MYCBP2: variants seen among roughly 807,000 people sequenced by gnomAD.
MYCBP2 encodes the protein E3 ubiquitin-protein ligase MYCBP2.
A neutral mutation model predicts 525.3 loss-of-function variants in MYCBP2; 120 were observed. The observed-to-expected ratio is 0.23, with a 90% confidence interval of 0.20 to 0.27. The LOEUF (loss-of-function observed/expected upper bound fraction) is 0.27, where lower values mean the gene tolerates loss of function less well. Among genes scored for constraint, MYCBP2 ranks in the 10% least tolerant of loss-of-function variants. The pLI is 1.00. For synonymous variants in MYCBP2, 1,894 were observed against 1,955.8 expected (o/e 0.97, Z 0.83); for missense variants, 4,149 against 5,657.1 (o/e 0.73, Z 8.55).
chr13:77,242,920 T>C (rs1594259202), intron 17 of MYCBP2, 139 bp downstream of exon 17: 1 of 665,492 alleles, frequency 1.5e-6, no homozygotes. Context: ...TTTCCCATTA[T>C]ATGAGTTATC....
At chr13:77,241,759 G>A (rs2068869132) in intron 17 of MYCBP2, among the ~76,000 whole-genome samples, 1 of 152,016 alleles carries the variant, frequency 6.6e-6, no homozygotes, top group Admixed American at 6.5e-5. Context: ...CCAAGTATAT[G>A]TTTTACAATT....
At chr13:77,198,917 A>G (rs1324312784) in intron 26 of MYCBP2, among the ~76,000 whole-genome samples, 2 of 152,250 alleles carry the variant, frequency 1.3e-5, no homozygotes, top group Admixed American at 1.3e-4. Flanking sequence ...AAGGACTGAG[A>G]TATAGTCTTT....
At chr13:77,267,502 T>G (rs1826679624) in intron 8 of MYCBP2, among the ~76,000 whole-genome samples, 1 of 152,046 alleles carries the variant, frequency 6.6e-6, no homozygotes, top group Non-Finnish European at 1.5e-5. Context: ...CAGAAGGTTC[T>G]TTATACTGAG....
At position 77,150,946 on chromosome 13, in the gene MYCBP2, C is replaced by T; in HGVS notation, c.6919G>A (p.Glu2307Lys). ...DVVHVPNMKV[E>K]VKAVPVSQKK... Reference sequence around the variant, plus strand: ...TGAGAAACAGGGACAGCTTTCACTTCCACCTAAACATGGTATTATAGAAAC... The same window carrying T: ...TGAGAAACAGGGACAGCTTTCACTTTCACCTAAACATGGTATTATAGAAAC... Residue 2307 changes from glutamate to lysine, a missense_variant, in exon 47 of 83, where the codon GAA becomes AAA. Glu to Lys is a moderately conservative substitution (Grantham distance 56). This residue lies in a region of MYCBP2 where 692 missense variants were observed against 852.7 expected (regional missense o/e 0.81). Coordinates refer to ENST00000544440, the MANE Select transcript of MYCBP2 (RefSeq NM_015057.5). 1 of 1,613,048 alleles carries T rather than the reference C, an allele frequency of 6.2e-7. No individual in the cohort carries two copies. The highest frequency in any genetic ancestry group is 1.7e-4 in the Middle Eastern group (1 of 6,060).
At chr13:77,190,098 GT>G (rs1322520747) in intron 29 of MYCBP2, among the ~76,000 whole-genome samples, 153 bp downstream of exon 29, 1 of 151,988 alleles carries the variant, frequency 6.6e-6, no homozygotes. Context: ...AATATTAACT[GT>G]TTTTGTTAAA....
chr13:77,239,354 T>G (rs776347615), intron 17 of MYCBP2, among the ~76,000 whole-genome samples: 1 of 152,186 alleles, frequency 6.6e-6, no homozygotes, highest in Non-Finnish European at 1.5e-5. Context: ...AAGATCTGTA[T>G]GTATGGCAGC....
At position 77,294,107 on chromosome 13, in the gene MYCBP2, T is replaced by TATATATATATATATATATAC. The variant is rs1555465502; in HGVS notation, c.378+2491_378+2492insGTATATATATATATATATAT. Among the ~76,000 whole-genome samples, 33 of 43,902 alleles carry TATATATATATATATATATAC rather than the reference T, an allele frequency of 7.5e-4. 1 individual carries two copies. Among genetic ancestry groups the TATATATATATATATATATAC allele is most frequent in the Non-Finnish European group, 1.8e-3 (28 of 15,246 alleles). 28.8% of individuals were successfully genotyped at this position (43,902 alleles called of 152,430 possible). On this transcript the variant is annotated intron_variant, in intron 2 of 82. Transcript: ENST00000544440. Reference sequence around the variant, plus strand: ...AGCCATAAAGTAGATATAATGGCTATATATATATATATATATATATATACA... The same window carrying TATATATATATATATATATAC: ...AGCCATAAAGTAGATATAATGGCTATATATATATATATATATATACATATATATATATATATATATATACA...
At chr13:77,199,919 C>A (rs574946518) in intron 26 of MYCBP2, among the ~76,000 whole-genome samples, 80 of 152,168 alleles carry the variant, frequency 5.3e-4, no homozygotes, top group African/African-American at 1.5e-3. Flanking sequence ...GACCAAAAGT[C>A]GATAAAACCA....
chr13:77,224,074 C>T (rs1360398378), intron 20 of MYCBP2, among the ~76,000 whole-genome samples: 1 of 152,196 alleles, frequency 6.6e-6, no homozygotes, highest in Admixed American at 6.5e-5. Flanking sequence ...TCAAAACAGA[C>T]ATCAGGAATA....
chr13:77,236,476 T>C (rs1419512976), intron 17 of MYCBP2, among the ~76,000 whole-genome samples: 1 of 152,178 alleles, frequency 6.6e-6, no homozygotes, highest in Admixed American at 6.5e-5. Flanking sequence ...AACTGCACCC[T>C]AGGAATCTAT....
chr13:77,302,552 A>T (rs939468709), intron 1 of MYCBP2, among the ~76,000 whole-genome samples: 1 of 152,214 alleles, frequency 6.6e-6, no homozygotes, highest in Non-Finnish European at 1.5e-5. Context: ...AGTATCCTGT[A>T]AGAATGAAGA....
Position 77,057,004 on chromosome 13 carries a change from T to G in MYCBP2, c.13419A>C (p.Ile4473=), listed in dbSNP as rs375166187. ...TCCATACCTTGCAAATGGGACAAGA[T>G]ATAAATCCAAATGTTATCCTTGGGC... The part of the protein sequence containing the change: ...WLGPRITFGF[I]SCPICKNKIN... Residue 4473 remains isoleucine, a synonymous_variant, in exon 79 of 83, where the codon ATA becomes ATC. Transcript: ENST00000544440. 3.1e-6 allele frequency: 5 copies of G among 1,612,356 alleles called. No homozygotes were observed. Among genetic ancestry groups the G allele is most frequent in the Non-Finnish European group, 4.2e-6 (5 of 1,178,512 alleles).
chr13:77,181,771 C>T lies in MYCBP2; in HGVS notation c.4871G>A (p.Ser1624Asn), dbSNP rs777870114. The change falls in exon 33 of 83, where the codon AGT (serine) becomes AAT (asparagine). Residue 1624 changes from serine (S) to asparagine (N), a missense_variant. Physicochemically the swap from Ser to Asn is conservative, Grantham distance 46 (BLOSUM62 1). Transcript: ENST00000544440. ...VLLRSIVKQV[S>N]TENDSTLVHR... ...AACTAGTGTTGAGTCGTTCTCTGTA[C>T]TAACTTGTTTAACAATTGATCGTAG... is the stretch of plus-strand genomic sequence containing the variant. The T allele has an allele frequency of 4.3e-6, 7 of 1,613,978 alleles. No homozygotes were observed. Among genetic ancestry groups the T allele is most frequent in the East Asian group, 2.2e-5 (1 of 44,894 alleles).
chr13:77,293,429 C>A (rs1392232840), intron 2 of MYCBP2, among the ~76,000 whole-genome samples: 1 of 152,138 alleles, frequency 6.6e-6, no homozygotes, highest in South Asian at 2.1e-4. Context: ...GACAAAATAA[C>A]TGGATTCACA....
chr13:77,154,699 A>C (rs2056996058), intron 46 of MYCBP2, among the ~76,000 whole-genome samples: 1 of 152,158 alleles, frequency 6.6e-6, no homozygotes, highest in Non-Finnish European at 1.5e-5. Flanking sequence ...GAAATTCATC[A>C]GTGAATACAC....
intron 45 of MYCBP2, 125 bp downstream of exon 45, chr13:77,157,812 A>G (rs1348157977): frequency 1.3e-5 from 10 of 745,284 alleles, no homozygotes; most frequent in Non-Finnish European, 2.2e-5. Flanking sequence ...ATATTTCAGC[A>G]AGTTAAACAT....
At chr13:77,218,461 A>G (rs1459044142) in intron 20 of MYCBP2, among the ~76,000 whole-genome samples, 1 of 152,210 alleles carries the variant, frequency 6.6e-6, no homozygotes, top group African/African-American at 2.4e-5. Context: ...GAGGCATTAG[A>G]GCAGTGACTA....
At chr13:77,076,131 T>C (rs1336856916) in intron 68 of MYCBP2, 1 of 152,220 alleles carries the variant, frequency 6.6e-6, no homozygotes, top group Non-Finnish European at 1.5e-5. Context: ...AACTGTATTT[T>C]TGCAAGAAAT....
At chr13:77,250,031 G>C (rs1194341318) in intron 15 of MYCBP2, among the ~76,000 whole-genome samples, 1 of 151,874 alleles carries the variant, frequency 6.6e-6, no homozygotes, top group East Asian at 1.9e-4. Flanking sequence ...AGACCATCCC[G>C]GCTAAAACGG....
Sources: gnomAD v4.1 joint callset for allele counts (sites outside exome capture counted in the v4.1 genomes callset) on GRCh38, gnomAD v4.1.1 for gene constraint, gnomAD v4.1.1 regional missense constraint, MANE v1.5 for transcripts, NCBI Gene and HGNC (gene_info 2026-07-23, HGNC 2026-07-21) for gene names.